SLC41A2: variants seen among roughly 807,000 people sequenced by gnomAD.
SLC41A2 encodes the protein SLC41A1-like 1.
SLC41A2 carries 32 observed loss-of-function variants against 58.3 expected under a neutral mutation model. That is an observed-to-expected ratio of 0.55 (90% CI 0.41 to 0.74). SLC41A2 has a LOEUF of 0.74. Among genes scored for constraint, SLC41A2 ranks in the 30% least tolerant of loss-of-function variants. SLC41A2 has a pLI of 0.00. For synonymous variants in SLC41A2, 190 were observed against 235.0 expected (o/e 0.81, Z 1.75); for missense variants, 514 against 680.6 (o/e 0.76, Z 2.72).
intron 4 of SLC41A2, among the ~76,000 whole-genome samples, chr12:104,893,010 T>A (rs2045090502): frequency 6.6e-6 from 1 of 152,126 alleles, no homozygotes; most frequent in South Asian, 2.1e-4. Context: ...TGGGATAATA[T>A]CAAGTTTAAA....
intron 6 of SLC41A2, among the ~76,000 whole-genome samples, chr12:104,868,834 GACA>G (rs1300247730): frequency 1.3e-5 from 2 of 152,170 alleles, no homozygotes; most frequent in Non-Finnish European, 2.9e-5. Flanking sequence ...TGATGCATGT[GACA>G]ACGTGATGAA....
At chr12:104,934,942 A>G (rs1206723418) in intron 1 of SLC41A2, among the ~76,000 whole-genome samples, 1 of 151,834 alleles carries the variant, frequency 6.6e-6, no homozygotes, top group Non-Finnish European at 1.5e-5. Context: ...TGGGAAAGAA[A>G]GTTTTTGTTT....
chr12:104,882,177 T>C (rs2044409802), intron 6 of SLC41A2, among the ~76,000 whole-genome samples: 1 of 152,176 alleles, frequency 6.6e-6, no homozygotes, highest in South Asian at 2.1e-4. Flanking sequence ...TTGATAGATC[T>C]TCCTCCATCC....
Position 104,909,780 on chromosome 12 carries a change from A to C in SLC41A2, c.556-18T>G, listed in dbSNP as rs778746302. ...TCCCAGTGCTGTAAGAAAAAAAATA[A>C]AATAAAATTTTCTGGCACTCTTTAA... On this transcript the variant is annotated intron_variant, in intron 2 of 10. Coordinates refer to ENST00000258538, the MANE Select transcript of SLC41A2 (RefSeq NM_001352171.3). The C allele has an allele frequency of 6.6e-7, 1 of 1,522,924 alleles. No individual in the cohort carries two copies. Among genetic ancestry groups the C allele is most frequent in the Non-Finnish European group, 8.9e-7 (1 of 1,127,590 alleles). The allele number at this position is 1,522,924 out of a possible 1,614,324, so 94.3% of individuals were successfully genotyped here.
intron 1 of SLC41A2, chr12:104,951,537 A>G (rs2047955860): frequency 6.6e-6 from 1 of 152,134 alleles, no homozygotes; most frequent in African/African-American, 2.4e-5. Flanking sequence ...TCGGAACCAA[A>G]CACTGAAAGA....
chr12:104,886,408 T>C lies in SLC41A2; in HGVS notation c.912A>G (p.Ser304=), dbSNP rs1408091584. 1.2e-6 allele frequency: 2 copies of C among 1,613,536 alleles called. No individual in the cohort carries two copies. Among genetic ancestry groups the C allele is most frequent in the South Asian group, 1.1e-5 (1 of 91,028 alleles). ...GIIMVGVIVG[S]KKTGINPDNV... The stretch of plus-strand genomic sequence containing the variant: ...TATCAGGATTTATACCAGTCTTCTT[T>C]GAACCAACGATAACCCCAACCATTA... The change falls in exon 6 of 11, where the codon TCA becomes TCG. Residue 304 remains serine, a synonymous_variant. Coordinates refer to ENST00000258538, the MANE Select transcript of SLC41A2 (RefSeq NM_001352171.3).
chr12:104,942,084 C>CA (rs923914543), intron 1 of SLC41A2, among the ~76,000 whole-genome samples: 69 of 151,524 alleles, frequency 4.6e-4, no homozygotes, highest in African/African-American at 1.3e-3. Context: ...TTTTAAACAA[C>CA]AAAAAAAAGA....
chr12:104,843,395 TA>T (rs1265353727), intron 10 of SLC41A2, among the ~76,000 whole-genome samples: 4 of 152,026 alleles, frequency 2.6e-5, no homozygotes, highest in Non-Finnish European at 5.9e-5. Flanking sequence ...ATAGACAAGT[TA>T]AAAATGTCAA....
At chr12:104,848,008 T>G (rs556810472) in intron 8 of SLC41A2, among the ~76,000 whole-genome samples, 4 of 152,268 alleles carry the variant, frequency 2.6e-5, no homozygotes, top group African/African-American at 7.2e-5. Flanking sequence ...AAATTACATT[T>G]TTAGAACATA....
At position 104,864,760 on chromosome 12, in the gene SLC41A2, A is replaced by G. The variant is rs542867458; in HGVS notation, c.1175+1672T>C. ...CATTTATGTATTTTTTTAATTCCCA[A>G]GAGCTCTTTGTGTTTTTCAAATCTT... On this transcript the variant is annotated intron_variant, in intron 7 of 10. Coordinates refer to ENST00000258538, the MANE Select transcript of SLC41A2 (RefSeq NM_001352171.3). 5.3e-5 allele frequency among the ~76,000 whole-genome samples: 8 copies of G among 152,112 alleles called. No individual in the cohort carries two copies. The East Asian group carries it at 1.4e-3, about 26-fold the overall frequency.
At chr12:104,937,902 C>T (rs921553690) in intron 1 of SLC41A2, among the ~76,000 whole-genome samples, 8 of 152,158 alleles carry the variant, frequency 5.3e-5, no homozygotes, top group Non-Finnish European at 1.0e-4. Context: ...AGGATGTAAG[C>T]AGTGGTAATG....
chr12:104,957,469 A>G (rs1170718614), intron 1 of SLC41A2, among the ~76,000 whole-genome samples: 5 of 152,196 alleles, frequency 3.3e-5, no homozygotes, highest in Admixed American at 6.5e-5. Flanking sequence ...CTGTGAATAT[A>G]TTAAAAGCCA....
intron 1 of SLC41A2, among the ~76,000 whole-genome samples, chr12:104,937,166 T>C (rs1022795699): frequency 9.2e-5 from 14 of 152,356 alleles, no homozygotes; most frequent in African/African-American, 3.1e-4. Flanking sequence ...CAGTAAGCTA[T>C]AGTTTAACAA....
chr12:104,897,359 G>A (rs1438553205), intron 3 of SLC41A2, among the ~76,000 whole-genome samples: 1 of 151,810 alleles, frequency 6.6e-6, no homozygotes, highest in African/African-American at 2.4e-5. Flanking sequence ...TGGCCAGGCT[G>A]GTCTTGAACT....
chr12:104,939,077 T>A (rs1002103514), intron 1 of SLC41A2, among the ~76,000 whole-genome samples: 4 of 152,262 alleles, frequency 2.6e-5, no homozygotes, highest in Non-Finnish European at 5.9e-5. Context: ...TTTAGATTTA[T>A]GGAAAAGTTC....
intron 2 of SLC41A2, among the ~76,000 whole-genome samples, chr12:104,927,389 G>A (rs1020334002): frequency 6.6e-6 from 1 of 152,090 alleles, no homozygotes; most frequent in South Asian, 2.1e-4. Flanking sequence ...GAAAATCTTT[G>A]TATACCAATT....
chr12:104,943,250 A>G (rs1301606210), intron 1 of SLC41A2, among the ~76,000 whole-genome samples: 2 of 152,200 alleles, frequency 1.3e-5, no homozygotes, highest in Admixed American at 6.5e-5. Context: ...TCTTTTTAAG[A>G]AAACTAAACA....
chr12:104,939,712 A>T (rs1269844590), intron 1 of SLC41A2, among the ~76,000 whole-genome samples: 1 of 152,208 alleles, frequency 6.6e-6, no homozygotes, highest in Non-Finnish European at 1.5e-5. Flanking sequence ...ATGGTATTAA[A>T]TCAGAGTTTA....
intron 1 of SLC41A2, among the ~76,000 whole-genome samples, chr12:104,931,154 A>C (rs956053987): frequency 2.6e-5 from 4 of 152,260 alleles, no homozygotes; most frequent in African/African-American, 9.6e-5. Flanking sequence ...CAGAATCTGC[A>C]TAACCTTACA....
Sources: allele counts gnomAD v4.1 joint callset (sites outside exome capture counted in the v4.1 genomes callset), GRCh38; gene constraint gnomAD v4.1.1; transcripts MANE v1.5; gene names NCBI Gene and HGNC (gene_info 2026-07-23, HGNC 2026-07-21).